Variants in RALYL observed in about 807,000 individuals in gnomAD.
RALYL encodes RALY RNA binding protein like, also known as RNA-binding Raly-like protein.
A neutral mutation model predicts 35.1 loss-of-function variants in RALYL; 29 were observed. The observed-to-expected ratio is 0.83, with a 90% CI of 0.61 to 1.13. The LOEUF (loss-of-function observed/expected upper bound fraction) is 1.13, where lower values mean the gene tolerates loss of function less well. Among genes scored for constraint, RALYL ranks in the 50% most tolerant of loss-of-function variants. The probability of loss-of-function intolerance (pLI) is 0.00; values close to 1 mark genes in which losing one functional copy is unlikely to be tolerated. For synonymous variants in RALYL, 120 were observed against 127.6 expected, an observed-to-expected ratio of 0.94 and a Z score of 0.40; for missense variants, 359 against 360.4, an observed-to-expected ratio of 1.00 and a Z score of 0.03.
At chr8:84,892,205 C>A (rs1843972651) in intron 8 of RALYL, among the ~76,000 whole-genome samples, 1 of 152,102 alleles carries the variant, frequency 6.6e-6, no homozygotes, top group African/African-American at 2.4e-5. Flanking sequence ...ATGTGTGCAC[C>A]AGGTGCTACC....
chr8:84,312,659 C>T (rs1218107115), intron 1 of RALYL, among the ~76,000 whole-genome samples: 2 of 152,360 alleles, frequency 1.3e-5, no homozygotes, highest in African/African-American at 4.8e-5. Flanking sequence ...CCCCGTGTCT[C>T]ACACCCAGGG....
At chr8:84,912,547 C>T (rs758822163) in intron 8 of RALYL, among the ~76,000 whole-genome samples, 7 of 152,026 alleles carry the variant, frequency 4.6e-5, no homozygotes, top group Non-Finnish European at 1.0e-4. Flanking sequence ...TGTGCTCTTT[C>T]ACTTGCTGAT....
At chr8:84,410,879 G>T (rs2044032445) in intron 1 of RALYL, among the ~76,000 whole-genome samples, 1 of 151,536 alleles carries the variant, frequency 6.6e-6, no homozygotes, top group African/African-American at 2.4e-5. Flanking sequence ...TGAATTCCTG[G>T]TTTATGACAT....
chr8:84,611,860 T>G (rs948402313), intron 2 of RALYL, among the ~76,000 whole-genome samples: 3 of 152,102 alleles, frequency 2.0e-5, no homozygotes, highest in African/African-American at 7.2e-5. Flanking sequence ...ATGTCTATAG[T>G]GGGTTCACTC....
intron 4 of RALYL, among the ~76,000 whole-genome samples, chr8:84,812,591 G>C (rs747331132): frequency 6.6e-6 from 1 of 152,154 alleles, no homozygotes; most frequent in African/African-American, 2.4e-5. Context: ...GCTCTCCTTC[G>C]ATGGGTCTTG....
At chr8:84,607,010 G>A (rs2130824243) in intron 2 of RALYL, among the ~76,000 whole-genome samples, 1 of 152,038 alleles carries the variant, frequency 6.6e-6, no homozygotes, top group East Asian at 1.9e-4. Context: ...GTGTGTGTGT[G>A]TTTGTTTAAA....
chr8:84,350,540 G>C, intron 1 of RALYL, among the ~76,000 whole-genome samples: 1 of 150,082 alleles, frequency 6.7e-6, no homozygotes, highest in East Asian at 1.9e-4. Context: ...AAGTCTGTAA[G>C]AAAATAAGCA....
intron 8 of RALYL, among the ~76,000 whole-genome samples, chr8:84,909,744 G>A (rs540744514): frequency 2.0e-5 from 3 of 152,178 alleles, no homozygotes; most frequent in Admixed American, 1.3e-4. Flanking sequence ...TGGTGCTGGT[G>A]TGAATATTAA....
At chr8:84,650,098 A>G (rs1314891286) in intron 2 of RALYL, among the ~76,000 whole-genome samples, 1 of 152,074 alleles carries the variant, frequency 6.6e-6, no homozygotes, top group Non-Finnish European at 1.5e-5. Context: ...TTATTGGTGT[A>G]TAAGAGTGCT....
chr8:84,644,633 A>C (rs772309767), intron 2 of RALYL, among the ~76,000 whole-genome samples: 1 of 152,082 alleles, frequency 6.6e-6, no homozygotes, highest in Non-Finnish European at 1.5e-5. Context: ...TATCTGCAAC[A>C]GGATTCCATC....
intron 1 of RALYL, among the ~76,000 whole-genome samples, chr8:84,528,326 G>A (rs879284168): frequency 2.6e-5 from 4 of 151,926 alleles, no homozygotes; most frequent in Non-Finnish European, 5.9e-5. Flanking sequence ...TGGGTTGTTA[G>A]CAAATGTTGT....
chr8:84,913,038 A>G (rs1030558737), intron 8 of RALYL, among the ~76,000 whole-genome samples: 119 of 129,092 alleles, frequency 9.2e-4, no homozygotes, highest in South Asian at 2.4e-3. Flanking sequence ...ATGGATAGGT[A>G]GGTAGATAGA....
intron 2 of RALYL, among the ~76,000 whole-genome samples, chr8:84,762,258 T>A (rs1812896012): frequency 6.6e-6 from 1 of 152,172 alleles, no homozygotes; most frequent in Non-Finnish European, 1.5e-5. Context: ...TCTCATTGGA[T>A]GTTTTGTGTT....
intron 8 of RALYL, among the ~76,000 whole-genome samples, chr8:84,911,785 T>C (rs7013566): frequency 6.6e-6 from 1 of 151,988 alleles, no homozygotes; most frequent in East Asian, 1.9e-4. Flanking sequence ...TCAATATTTT[T>C]CTAGGATGGC....
At chr8:84,206,161 T>C (rs1046590138) in intron 1 of RALYL, among the ~76,000 whole-genome samples, 2 of 152,220 alleles carry the variant, frequency 1.3e-5, no homozygotes, top group Non-Finnish European at 2.9e-5. Context: ...TTGTAGGGGA[T>C]ACAATTCAGT....
chr8:84,706,259 T>A (rs367576825), intron 2 of RALYL, among the ~76,000 whole-genome samples: 35 of 152,312 alleles, frequency 2.3e-4, no homozygotes, highest in African/African-American at 8.2e-4. Context: ...ATTCGCTTGT[T>A]ACCATGGAAA....
intron 1 of RALYL, among the ~76,000 whole-genome samples, chr8:84,396,579 A>G (rs904603740): frequency 6.6e-6 from 1 of 152,154 alleles, no homozygotes; most frequent in African/African-American, 2.4e-5. Context: ...ACCATTTTAA[A>G]GAAGATAATA....
chr8:84,666,300 G>A (rs1471838685), intron 2 of RALYL, among the ~76,000 whole-genome samples: 1 of 151,936 alleles, frequency 6.6e-6, no homozygotes, highest in Non-Finnish European at 1.5e-5. Context: ...ATTGAAAAAG[G>A]GCCTTCATAT....
At chr8:84,463,383 A>T (rs2051056722) in intron 1 of RALYL, among the ~76,000 whole-genome samples, 1 of 152,068 alleles carries the variant, frequency 6.6e-6, no homozygotes, top group Non-Finnish European at 1.5e-5. Flanking sequence ...TTCATTATAA[A>T]ATTAACATTT....
Sources: gnomAD v4.1 joint callset for allele counts (sites outside exome capture counted in the v4.1 genomes callset) on GRCh38, gnomAD v4.1.1 for gene constraint, MANE v1.5 for transcripts, NCBI Gene and HGNC (gene_info 2026-07-23, HGNC 2026-07-21) for gene names.